Variants in CNKSR3 observed in about 807,000 individuals in gnomAD.
CNKSR3 encodes CNKSR family member 3.
A neutral mutation model predicts 67.7 loss-of-function variants in CNKSR3; 36 were observed. The ratio of observed to expected loss-of-function variants is 0.53; its 90% CI spans 0.41 to 0.70. CNKSR3 has a LOEUF of 0.70. CNKSR3 is among the 30% of genes least tolerant of loss of function. The pLI, the probability that CNKSR3 is intolerant of heterozygous loss-of-function variation, is 0.00. For synonymous variants in CNKSR3, 281 were observed against 271.4 expected, an observed-to-expected ratio of 1.04 and a Z score of -0.35; for missense variants, 630 against 695.2, an observed-to-expected ratio of 0.91 and a Z score of 1.05.
At chr6:154,434,555 T>C (rs1785431955) in intron 4 of CNKSR3, among the ~76,000 whole-genome samples, 1 of 152,360 alleles carries the variant, frequency 6.6e-6, no homozygotes, top group East Asian at 1.9e-4. Context: ...TTCTACTCTA[T>C]ATGATTTAAT....
chr6:154,477,316 T>A (rs1786472576), intron 1 of CNKSR3, among the ~76,000 whole-genome samples: 1 of 152,006 alleles, frequency 6.6e-6, no homozygotes, highest in Non-Finnish European at 1.5e-5. Flanking sequence ...AATTTTTATT[T>A]TTATTATTTA....
rs1554230776 is a variant in CNKSR3 at position 154,407,891 on chromosome 6, A to AAAAC, written c.1370-1240_1370-1239insGTTT. 9.1e-4 allele frequency among the ~76,000 whole-genome samples: 138 copies of AAAAC among 151,190 alleles called. 1 individual carries two copies. Among genetic ancestry groups the AAAAC allele is most frequent in the Non-Finnish European group, 1.5e-3 (100 of 67,692 alleles). ...GAATTTGAAAAAAAAAAAAAAAAAAAAAAACCTAAATTTCCAACAGTGGCA... is the reference window on the plus strand; with the variant it reads ...GAATTTGAAAAAAAAAAAAAAAAAAAAAACAAAACCTAAATTTCCAACAGTGGCA... On this transcript the variant is annotated intron_variant, in intron 12 of 12. Coordinates refer to ENST00000607772, the MANE Select transcript of CNKSR3 (RefSeq NM_173515.4).
intron 1 of CNKSR3, among the ~76,000 whole-genome samples, chr6:154,461,299 T>C (rs1317352650): frequency 6.6e-6 from 1 of 152,000 alleles, no homozygotes; most frequent in African/African-American, 2.4e-5. Context: ...AATGAAGAAA[T>C]AAGTGGAGGG....
rs1784640253 is a variant in CNKSR3 at position 154,394,624 on chromosome 6, A to AC, written c.*11729_*11730insG. 6.6e-6 allele frequency: 1 copy of AC among 151,550 alleles called. No individual in the cohort carries two copies. Among genetic ancestry groups the AC allele is most frequent in the African/African-American group, 2.4e-5 (1 of 41,362 alleles). 9.4% of individuals were successfully genotyped at this position (151,550 alleles called of 1,614,324 possible). A position where few individuals can be genotyped will look rare whatever the true frequency, so the allele number is the denominator to read the frequency against. On this transcript the variant is annotated 3_prime_UTR_variant, in exon 13 of 13. Coordinates refer to ENST00000607772, the MANE Select transcript of CNKSR3 (RefSeq NM_173515.4). ...GCCTAATACAAGAAGTAAAAAAAAA[A>AC]AAAAAAAAAAAGAAGAATTCCAAAG...
rs1157587938 is a variant in CNKSR3, at chr6:154,395,785, A to AGT, written c.*10567_*10568dup. On this transcript the variant is annotated 3_prime_UTR_variant, in exon 13 of 13. Coordinates refer to ENST00000607772, the MANE Select transcript of CNKSR3 (RefSeq NM_173515.4). ...GAGTCTCACTCTGTCACCAGGCTGGAGTGCAGTGGTGCAATCTGGGCTTAC... is the reference window on the plus strand; with the variant it reads ...GAGTCTCACTCTGTCACCAGGCTGGAGTGTGCAGTGGTGCAATCTGGGCTTAC... 13 of 152,478 alleles carry AGT rather than the reference A, an allele frequency of 8.5e-5. No individual in the cohort carries two copies. The highest frequency in any genetic ancestry group is 2.9e-4 in the African/African-American group (12 of 41,546). 9.4% of individuals were successfully genotyped at this position (152,478 alleles called of 1,614,324 possible).
chr6:154,453,634 A>C (rs1450975753), intron 1 of CNKSR3, among the ~76,000 whole-genome samples: 1 of 152,172 alleles, frequency 6.6e-6, no homozygotes, highest in Non-Finnish European at 1.5e-5. Flanking sequence ...GTCACCCCCC[A>C]GAGTTTTATT....
chr6:154,487,174 G>A (rs1786691425), intron 1 of CNKSR3, among the ~76,000 whole-genome samples: 1 of 152,300 alleles, frequency 6.6e-6, no homozygotes, highest in South Asian at 2.1e-4. Context: ...TCACCAATGG[G>A]CAGTTTACTA....
chr6:154,501,486 C>T (rs1454598178), intron 1 of CNKSR3, among the ~76,000 whole-genome samples: 1 of 152,170 alleles, frequency 6.6e-6, no homozygotes. Context: ...CCCCCACCCT[C>T]GCTCTCATGA....
rs976858867 is a variant in CNKSR3, at chr6:154,439,683, G to A, written c.507+1609C>T. On this transcript the variant is annotated intron_variant, in intron 4 of 12. Transcript: ENST00000607772. ...GAGGCAGGGGAATTACTCGAGGCCA[G>A]GAGTTTGAGACCAGCCTGGGTAACA... 5.9e-5 allele frequency among the ~76,000 whole-genome samples: 9 copies of A among 152,284 alleles called. No homozygotes were observed. The East Asian group carries it at 1.7e-3, about 29-fold the overall frequency.
chr6:154,459,095 A>C (rs1562342458), intron 1 of CNKSR3, among the ~76,000 whole-genome samples: 1 of 151,362 alleles, frequency 6.6e-6, no homozygotes, highest in Non-Finnish European at 1.5e-5. Context: ...AAAGAAGAAA[A>C]AGAAAGAGAG....
intron 1 of CNKSR3, among the ~76,000 whole-genome samples, chr6:154,451,365 A>G (rs1785822189): frequency 6.6e-6 from 1 of 152,278 alleles, no homozygotes; most frequent in Non-Finnish European, 1.5e-5. Context: ...TAGTGATTTA[A>G]AAGTGTTTTA....
rs1787181265 is a variant in CNKSR3 at position 154,509,976 on chromosome 6, G to A, written c.52+87C>T. 3.4e-6 allele frequency: 5 copies of A among 1,457,718 alleles called. No homozygotes were observed. In the South Asian group the frequency reaches 5.7e-5, roughly 17 times the overall value. 90.3% of individuals were successfully genotyped at this position (1,457,718 alleles called of 1,614,324 possible). On this transcript the variant is annotated intron_variant, in intron 1 of 12. Coordinates refer to ENST00000607772, the MANE Select transcript of CNKSR3 (RefSeq NM_173515.4). Reference sequence around the variant, plus strand: ...GTGCCCTCACCGCTTCTCGCCGGGAGGAAGGGCCAAGTACCCTCTTCCCCA... The same window carrying A: ...GTGCCCTCACCGCTTCTCGCCGGGAAGAAGGGCCAAGTACCCTCTTCCCCA...
At chr6:154,422,385 G>GA in intron 9 of CNKSR3, 121 bp downstream of exon 9, 3 of 903,970 alleles carry the variant, frequency 3.3e-6, no homozygotes, top group South Asian at 3.1e-5. Flanking sequence ...AGGAGTATAG[G>GA]ATAATTACAT....
Position 154,510,389 on chromosome 6 carries a change from G to C in CNKSR3, c.-275C>G, listed in dbSNP as rs1787191886. On this transcript the variant is annotated 5_prime_UTR_variant, in exon 1 of 13. Transcript: ENST00000607772. ...GGCACAGCTGCTGCTCCCGAGCGAC[G>C]GCAGCTGCAGGCACGCCGGGCTGCG... The C allele has an allele frequency of 2.0e-6, 1 of 501,860 alleles. No individual in the cohort carries two copies. Among genetic ancestry groups the C allele is most frequent in the Non-Finnish European group, 3.5e-6 (1 of 285,808 alleles). 31.1% of individuals were successfully genotyped at this position (501,860 alleles called of 1,614,324 possible).
At chr6:154,449,717 C>T (rs1457481922) in intron 2 of CNKSR3, among the ~76,000 whole-genome samples, 2 of 152,210 alleles carry the variant, frequency 1.3e-5, no homozygotes, top group Admixed American at 1.3e-4. Context: ...AAAAGACAAA[C>T]TCTTTCTGTA....
At chr6:154,481,979 A>G (rs542784747) in intron 1 of CNKSR3, among the ~76,000 whole-genome samples, 3 of 152,334 alleles carry the variant, frequency 2.0e-5, no homozygotes, top group Non-Finnish European at 4.4e-5. Context: ...TCATCAGCCC[A>G]TGAATGTAAC....
chr6:154,467,211 T>C (rs1377520002), intron 1 of CNKSR3, among the ~76,000 whole-genome samples: 1 of 152,108 alleles, frequency 6.6e-6, no homozygotes, highest in Non-Finnish European at 1.5e-5. Context: ...AGAGATACTT[T>C]AATCACCTCC....
chr6:154,434,307 G>T (rs1785427741), intron 4 of CNKSR3, among the ~76,000 whole-genome samples: 1 of 152,046 alleles, frequency 6.6e-6, no homozygotes, highest in South Asian at 2.1e-4. Flanking sequence ...AACCTATACT[G>T]CAGAATGCAT....
intron 10 of CNKSR3, 146 bp downstream of exon 10, chr6:154,414,153 G>T: frequency 1.3e-6 from 1 of 796,068 alleles, no homozygotes; most frequent in Non-Finnish European, 1.9e-6. Context: ...AAATAAGGCT[G>T]ATCATACTTT....
Sources: allele counts gnomAD v4.1 joint callset (sites outside exome capture counted in the v4.1 genomes callset), GRCh38; gene constraint gnomAD v4.1.1; transcripts MANE v1.5; gene names NCBI Gene and HGNC (gene_info 2026-07-23, HGNC 2026-07-21).